The following GRIN2B variants were observed in gnomAD, a reference collection of about 807,000 sequenced individuals.
The protein encoded by GRIN2B is glutamate ionotropic receptor NMDA type subunit 2B, also known as glutamate receptor ionotropic, NMDA 2B.
GRIN2B carries 5 observed loss-of-function variants against 114.5 expected under a neutral mutation model. The observed-to-expected ratio is 0.04, with a 90% CI of 0.02 to 0.09. The LOEUF (loss-of-function observed/expected upper bound fraction) is 0.09. GRIN2B is among the 10% of genes least tolerant of loss of function. GRIN2B has a pLI of 1.00. For synonymous variants in GRIN2B, 787 were observed against 745.1 expected (o/e 1.06, Z -0.92); for missense variants, 1,108 against 1,943.5 (o/e 0.57, Z 8.08).
intron 5 of GRIN2B, among the ~76,000 whole-genome samples, chr12:13,661,371 A>T (rs1390715698): frequency 1.3e-5 from 2 of 152,208 alleles, no homozygotes; most frequent in African/African-American, 4.8e-5. Context: ...TCAGACAAGT[A>T]GTGCCTTTTG....
At position 13,560,689 on chromosome 12, in the gene GRIN2B, A is replaced by C. The variant is rs1948531332; in HGVS notation, c.*2094T>G. The C allele has an allele frequency of 6.6e-6, 1 of 152,166 alleles. No individual in the cohort carries two copies. The highest frequency in any genetic ancestry group is 1.5e-5 in the Non-Finnish European group (1 of 68,040). The allele number at this position is 152,166 out of a possible 1,614,324, so 9.4% of individuals were successfully genotyped here. On this transcript the variant is annotated 3_prime_UTR_variant, in exon 14 of 14. Transcript: ENST00000609686. ...AGGTAAAGCACTCCGTGCTCCTCTC[A>C]CCAAATCTGTGAGAGGTTCAGCCCC... is the stretch of plus-strand genomic sequence containing the variant.
intron 10 of GRIN2B, among the ~76,000 whole-genome samples, chr12:13,578,967 G>T (rs1037230673): frequency 3.3e-5 from 5 of 152,236 alleles, no homozygotes; most frequent in African/African-American, 1.2e-4. Flanking sequence ...GTGACCAGGG[G>T]CTATAAATAA....
At chr12:13,846,400 C>T (rs1865473661) in intron 3 of GRIN2B, among the ~76,000 whole-genome samples, 1 of 152,120 alleles carries the variant, frequency 6.6e-6, no homozygotes, top group South Asian at 2.1e-4. Context: ...TGACATATAC[C>T]TTCCATTTTA....
At chr12:13,801,584 A>C (rs1864514439) in intron 3 of GRIN2B, among the ~76,000 whole-genome samples, 1 of 152,180 alleles carries the variant, frequency 6.6e-6, no homozygotes, top group South Asian at 2.1e-4. Context: ...TGACCTTCTC[A>C]ATAAGAAATA....
Position 13,541,580 on chromosome 12 carries a change from G to C in GRIN2B, c.*21203C>G, listed in dbSNP as rs1385512242. 6.6e-6 allele frequency: 1 copy of C among 152,232 alleles called. No homozygotes were observed. Among genetic ancestry groups the C allele is most frequent in the African/African-American group, 2.4e-5 (1 of 41,448 alleles). 9.4% of individuals were successfully genotyped at this position (152,232 alleles called of 1,614,324 possible). ...AGTGCATAAAGTAAGGTATGACTGA[G>C]TTGGCTGTGATACCTTAAGAACTCA... On this transcript the variant is annotated 3_prime_UTR_variant, in exon 14 of 14. Coordinates refer to ENST00000609686, the MANE Select transcript of GRIN2B (RefSeq NM_000834.5).
intron 2 of GRIN2B, among the ~76,000 whole-genome samples, chr12:13,888,007 C>T (rs1161441831): frequency 3.3e-5 from 5 of 152,084 alleles, no homozygotes; most frequent in Non-Finnish European, 5.9e-5. Flanking sequence ...GCTCCTCTGT[C>T]CTAATTCCAA....
At chr12:13,683,890 T>C (rs948384821) in intron 4 of GRIN2B, 2 of 152,192 alleles carry the variant, frequency 1.3e-5, no homozygotes, top group Non-Finnish European at 2.9e-5. Flanking sequence ...GAGTTAGCAT[T>C]TGAAGGGACT....
chr12:13,572,651 A>T (rs1049388002), intron 10 of GRIN2B, among the ~76,000 whole-genome samples: 2 of 152,142 alleles, frequency 1.3e-5, no homozygotes, highest in Non-Finnish European at 2.9e-5. Flanking sequence ...TTTCATCCCT[A>T]TGACATCAGC....
chr12:13,714,704 G>C (rs920037255), intron 4 of GRIN2B, among the ~76,000 whole-genome samples: 1 of 151,878 alleles, frequency 6.6e-6, no homozygotes, highest in Admixed American at 6.6e-5. Context: ...CAAATGTTCT[G>C]AGAATATATT....
chr12:13,868,129 C>T (rs1285562882), intron 2 of GRIN2B, among the ~76,000 whole-genome samples: 1 of 152,144 alleles, frequency 6.6e-6, no homozygotes, highest in Non-Finnish European at 1.5e-5. Flanking sequence ...CTGGTATAGT[C>T]ATCCTTCAAC....
intron 3 of GRIN2B, among the ~76,000 whole-genome samples, chr12:13,802,011 A>C (rs796309650): frequency 4.6e-5 from 7 of 152,170 alleles, no homozygotes; most frequent in African/African-American, 1.7e-4. Flanking sequence ...CACCCACCAG[A>C]TGCTTACTGA....
intron 5 of GRIN2B, among the ~76,000 whole-genome samples, chr12:13,634,443 C>T (rs1485126147): frequency 6.6e-6 from 1 of 152,186 alleles, no homozygotes; most frequent in Non-Finnish European, 1.5e-5. Flanking sequence ...GATTTGGGAA[C>T]CCAAGCCAAT....
chr12:13,604,798 TA>T (rs74309636), intron 10 of GRIN2B, among the ~76,000 whole-genome samples: 7,715 of 152,326 alleles, frequency 0.051, 269 homozygotes, highest in East Asian at 0.16. Flanking sequence ...CTGATTTATA[TA>T]ACTGTCCATG....
At chr12:13,618,186 G>A (rs1299425460) in intron 5 of GRIN2B, among the ~76,000 whole-genome samples, 1 of 152,110 alleles carries the variant, frequency 6.6e-6, no homozygotes, top group Non-Finnish European at 1.5e-5. Context: ...ATTTCCAAAT[G>A]GCTCTCCAGC....
chr12:13,769,980 T>C (rs529054622), intron 3 of GRIN2B, among the ~76,000 whole-genome samples: 51 of 152,252 alleles, frequency 3.3e-4, no homozygotes, highest in Non-Finnish European at 8.8e-5. Flanking sequence ...TCTGAACTTC[T>C]ATTTTGTTTG....
chr12:13,954,454 A>G (rs1167516717), intron 2 of GRIN2B, among the ~76,000 whole-genome samples: 1 of 152,124 alleles, frequency 6.6e-6, no homozygotes, highest in East Asian at 1.9e-4. Context: ...GCAAGACAGC[A>G]TTGGTCATCA....
At chr12:13,948,643 T>C (rs1249453220) in intron 2 of GRIN2B, among the ~76,000 whole-genome samples, 2 of 152,204 alleles carry the variant, frequency 1.3e-5, no homozygotes, top group Non-Finnish European at 2.9e-5. Flanking sequence ...ACCTGGATTC[T>C]GCAAGGAGCA....
intron 4 of GRIN2B, among the ~76,000 whole-genome samples, chr12:13,705,303 C>T (rs1210611247): frequency 6.6e-6 from 1 of 152,096 alleles, no homozygotes; most frequent in African/African-American, 2.4e-5. Flanking sequence ...TTGTAGTAAT[C>T]ATCATGTCTA....
chr12:13,629,715 T>G (rs1016855926), intron 5 of GRIN2B, among the ~76,000 whole-genome samples: 24 of 152,040 alleles, frequency 1.6e-4, no homozygotes, highest in African/African-American at 5.8e-4. Context: ...CTCCCTGCCT[T>G]TGTTTCTTTT....
Sources: gnomAD v4.1 joint callset for allele counts (sites outside exome capture counted in the v4.1 genomes callset) on GRCh38, gnomAD v4.1.1 for gene constraint, MANE v1.5 for transcripts, NCBI Gene and HGNC (gene_info 2026-07-23, HGNC 2026-07-21) for gene names.